ACO2: variants seen among roughly 807,000 people sequenced by gnomAD.
ACO2 encodes aconitate hydratase, mitochondrial.
Under a neutral mutation model 84.5 loss-of-function variants are expected in ACO2, and 31 were observed. That is an observed-to-expected ratio of 0.37 (90% CI 0.28 to 0.50). The LOEUF (loss-of-function observed/expected upper bound fraction) is 0.50, where lower values mean the gene tolerates loss of function less well. Among genes scored for constraint, ACO2 ranks in the 20% least tolerant of loss-of-function variants. The pLI, the probability that ACO2 is intolerant of heterozygous loss-of-function variation, is 0.97. For missense variants in ACO2, 685 were observed against 1,029.3 expected (o/e 0.67, Z 4.58); for synonymous variants, 414 against 412.7 (o/e 1.00, Z -0.04).
chr22:41,493,010 T>G (rs1488904142), intron 1 of ACO2, among the ~76,000 whole-genome samples: 1 of 152,050 alleles, frequency 6.6e-6, no homozygotes, highest in African/African-American at 2.4e-5. Context: ...AGTCCGAGAT[T>G]GAGGGGCTGC....
chr22:41,508,723 C>T (rs975765792), intron 3 of ACO2, among the ~76,000 whole-genome samples: 1 of 152,198 alleles, frequency 6.6e-6, no homozygotes, highest in Non-Finnish European at 1.5e-5. Flanking sequence ...CTCCCAGGCT[C>T]GGCTTGTGGG....
At chr22:41,469,606 A>C (rs1391045057) in intron 1 of ACO2, 1 of 175,012 alleles carries the variant, frequency 5.7e-6, no homozygotes, top group Admixed American at 6.3e-5. Flanking sequence ...GAGGCATGAC[A>C]GCATCTACGG....
At chr22:41,526,160 C>T in intron 14 of ACO2, 102 bp from the exon 15 acceptor site, 1 of 1,057,006 alleles carries the variant, frequency 9.5e-7, no homozygotes, top group Non-Finnish European at 1.4e-6. Context: ...CCCTCTGTCA[C>T]CCCTCCTGGG....
At chr22:41,500,029 T>G (rs761699457) in intron 2 of ACO2, among the ~76,000 whole-genome samples, 167 bp downstream of exon 2, 10 of 152,130 alleles carry the variant, frequency 6.6e-5, no homozygotes, top group Non-Finnish European at 1.3e-4. Context: ...AGATCAGTGG[T>G]GTAACTTCTG....
At chr22:41,492,968 G>A (rs1414086373) in intron 1 of ACO2, among the ~76,000 whole-genome samples, 2 of 151,960 alleles carry the variant, frequency 1.3e-5, no homozygotes, top group African/African-American at 2.4e-5. Flanking sequence ...AAAAGAAAAG[G>A]AATTTATTTC....
chr22:41,507,778 C>G lies in ACO2; in HGVS notation c.174-13C>G. 6.2e-7 allele frequency: 1 copy of G among 1,609,430 alleles called. No individual in the cohort carries two copies. On this transcript the variant is annotated splice_polypyrimidine_tract_variant and intron_variant, in intron 2 of 17. Coordinates refer to ENST00000216254, the MANE Select transcript of ACO2 (RefSeq NM_001098.3). ...GCTAGCACCAGGCCACCCTTCTGCTCTTCTCCCCACAGACTGAACCGGCCG... is the reference window on the plus strand; with the variant it reads ...GCTAGCACCAGGCCACCCTTCTGCTGTTCTCCCCACAGACTGAACCGGCCG...
At position 41,515,127 on chromosome 22, in the gene ACO2, G is replaced by T. The variant is rs1246364111; in HGVS notation, c.526-250G>T. ...ACAAATGAGGAAACTGAGGCATGGG[G>T]CAGCATTCAAAGGCCCAAGACATAT... On this transcript the variant is annotated intron_variant, in intron 4 of 17. Transcript: ENST00000216254. This position sits in a 1 kb window ranked among gnomAD's most constrained non-coding sequence, Gnocchi z 5.8. Among the ~76,000 whole-genome samples, 1 of 152,214 alleles carries T rather than the reference G, an allele frequency of 6.6e-6. No homozygotes were observed. The highest frequency in any genetic ancestry group is 2.1e-4 in the South Asian group (1 of 4,836).
intron 16 of ACO2, 104 bp from the exon 17 acceptor site, chr22:41,527,797 G>T (rs1385347058): frequency 1.9e-6 from 3 of 1,569,934 alleles, no homozygotes; most frequent in East Asian, 4.5e-5. Context: ...CATTGTCCCA[G>T]GCAGCAGGAT....
In ACO2 at chr22:41,515,047, CTGGTTCT is replaced by C. The variant is rs1435359763; in HGVS notation, c.526-327_526-321del. 6.6e-6 allele frequency among the ~76,000 whole-genome samples: 1 copy of C among 152,226 alleles called. No homozygotes were observed. Among genetic ancestry groups the C allele is most frequent in the Non-Finnish European group, 1.5e-5 (1 of 68,040 alleles). On this transcript the variant is annotated intron_variant, in intron 4 of 17. Coordinates refer to ENST00000216254, the MANE Select transcript of ACO2 (RefSeq NM_001098.3). This position sits in a 1 kb window ranked among gnomAD's most constrained non-coding sequence, Gnocchi z 5.8. The stretch of plus-strand genomic sequence containing the variant: ...CTGGGCCCATCACAGGACAGTTTCT[CTGGTTCT>C]TGTCACATCCTGGGGTCATGGTGGT...
intron 1 of ACO2, among the ~76,000 whole-genome samples, chr22:41,473,284 C>T (rs1438108325): frequency 6.6e-6 from 1 of 152,164 alleles, no homozygotes; most frequent in Non-Finnish European, 1.5e-5. Context: ...GCAGATGCAT[C>T]ACCTGAGATC....
Position 41,523,815 on chromosome 22 carries a change from C to G in ACO2, c.1371-15C>G. The stretch of plus-strand genomic sequence containing the variant: ...AGGCCAGATATCCCTAACCCTGATC[C>G]CTCTGACCTGGCAGGAAGGACATCA... On this transcript the variant is annotated splice_polypyrimidine_tract_variant and intron_variant, in intron 11 of 17. Transcript: ENST00000216254. 6.2e-7 allele frequency: 1 copy of G among 1,607,186 alleles called. No individual in the cohort carries two copies. The highest frequency in any genetic ancestry group is 8.5e-7 in the Non-Finnish European group (1 of 1,175,590).
chr22:41,519,342 G>T lies in ACO2; in HGVS notation c.1032+770G>T, dbSNP rs564741762. Reference sequence around the variant, plus strand: ...CTTGGTCACGCACTTAGCCTCTGTAGGCCCCTTGCTCCATCACGTGTGGAA... The same window carrying T: ...CTTGGTCACGCACTTAGCCTCTGTATGCCCCTTGCTCCATCACGTGTGGAA... On this transcript the variant is annotated intron_variant, in intron 8 of 17. Transcript: ENST00000216254. Among the ~76,000 whole-genome samples the T allele has an allele frequency of 5.3e-5, 8 of 152,292 alleles. 1 individual carries two copies. The South Asian group carries it at 1.7e-3, about 32-fold the overall frequency.
At chr22:41,509,088 A>G (rs948784784) in intron 3 of ACO2, among the ~76,000 whole-genome samples, 2 of 152,108 alleles carry the variant, frequency 1.3e-5, no homozygotes, top group East Asian at 3.9e-4. Context: ...CATTAGCAAC[A>G]ACACTGGTGG....
intron 3 of ACO2, among the ~76,000 whole-genome samples, chr22:41,511,352 A>G (rs2066431660): frequency 6.6e-6 from 1 of 152,034 alleles, no homozygotes; most frequent in Non-Finnish European, 1.5e-5. Flanking sequence ...TTGTATTTTT[A>G]GTAGAGACAG....
chr22:41,506,495 C>T (rs1385506947), intron 2 of ACO2, among the ~76,000 whole-genome samples: 3 of 152,108 alleles, frequency 2.0e-5, no homozygotes, highest in Non-Finnish European at 2.9e-5. Flanking sequence ...CCTCATGATC[C>T]GCCTGTCTCG....
intron 3 of ACO2, among the ~76,000 whole-genome samples, chr22:41,511,451 C>T (rs1459838338): frequency 5.3e-5 from 8 of 152,260 alleles, no homozygotes; most frequent in Admixed American, 5.2e-4. Context: ...GGATTACAGG[C>T]GTGAGCCACT....
chr22:41,493,123 C>G (rs2066285464), intron 1 of ACO2, among the ~76,000 whole-genome samples: 1 of 152,124 alleles, frequency 6.6e-6, no homozygotes, highest in African/African-American at 2.4e-5. Context: ...CAGGAACCGA[C>G]TCGCATGACA....
At chr22:41,518,649 C>G (rs981357655) in intron 8 of ACO2, 77 bp downstream of exon 8, 2 of 1,161,860 alleles carry the variant, frequency 1.7e-6, no homozygotes, top group Non-Finnish European at 2.6e-6. Flanking sequence ...TAAATACTCA[C>G]TGAGGGCCGG....
chr22:41,516,156 CTGTG>C, intron 6 of ACO2: 1 of 638,878 alleles, frequency 1.6e-6, no homozygotes, highest in Non-Finnish European at 2.8e-6. Flanking sequence ...GACTTCCTAA[CTGTG>C]TGGCCACACA....
Sources: allele counts gnomAD v4.1 joint callset (sites outside exome capture counted in the v4.1 genomes callset), GRCh38; gene constraint gnomAD v4.1.1; non-coding constraint Gnocchi (gnomAD v3.1); transcripts MANE v1.5; gene names NCBI Gene and HGNC (gene_info 2026-07-23, HGNC 2026-07-21).